Variants in ZC3H7A observed in about 807,000 individuals in gnomAD.
ZC3H7A encodes the protein zinc finger CCCH domain-containing protein 7A.
Under a neutral mutation model 125.5 loss-of-function variants are expected in ZC3H7A, and 44 were observed. The observed-to-expected ratio is 0.35, with a 90% CI of 0.28 to 0.45. ZC3H7A has a LOEUF of 0.45. Ranked by LOEUF, ZC3H7A falls within the 20% of genes least tolerant of loss-of-function variation. ZC3H7A has a pLI of 1.00. For synonymous variants in ZC3H7A, 399 were observed against 391.2 expected, an observed-to-expected ratio of 1.02 and a Z score of -0.23; for missense variants, 977 against 1,170.7, an observed-to-expected ratio of 0.83 and a Z score of 2.41.
chr16:11,786,486 C>G (rs1167361998), intron 1 of ZC3H7A, among the ~76,000 whole-genome samples: 1 of 152,128 alleles, frequency 6.6e-6, no homozygotes, highest in Non-Finnish European at 1.5e-5. Context: ...AAGTTTATAG[C>G]CTTAAAGCTA....
At chr16:11,771,739 G>T (rs1182773582) in intron 9 of ZC3H7A, among the ~76,000 whole-genome samples, 1 of 152,060 alleles carries the variant, frequency 6.6e-6, no homozygotes, top group Non-Finnish European at 1.5e-5. Context: ...GACCTGAAGT[G>T]ATCCAACCGC....
At chr16:11,768,619 A>G (rs1002995667) in intron 11 of ZC3H7A, 118 bp from the exon 12 acceptor site, 2 of 888,586 alleles carry the variant, frequency 2.3e-6, no homozygotes, top group African/African-American at 3.4e-5. Context: ...TGAGGTCAGT[A>G]CTACTCCATC....
intron 8 of ZC3H7A, 31 bp downstream of exon 8, chr16:11,774,949 C>G (rs2141197797): frequency 6.2e-7 from 1 of 1,612,476 alleles, no homozygotes; most frequent in South Asian, 1.1e-5. Flanking sequence ...TGGCACTATT[C>G]AAATTGTTAA....
rs770595119 is a variant in ZC3H7A, at chr16:11,779,169, A to G, written c.303T>C (p.Asn101=). Reference sequence around the variant, plus strand: ...CATTTTAAAAATTACAACTCACCATATTAGAATAGCAGGCAATACGATTTA... The same window carrying G: ...CATTTTAAAAATTACAACTCACCATGTTAGAATAGCAGGCAATACGATTTA... ...LYINRIACYS[N]MGFHDKVLED... The change falls in exon 4 of 23, where the codon AAT becomes AAC. Residue 101 remains asparagine, a synonymous_variant. Transcript: ENST00000355758. 1 of 1,592,566 alleles carries G rather than the reference A, an allele frequency of 6.3e-7. No homozygotes were observed. Among genetic ancestry groups the G allele is most frequent in the Non-Finnish European group, 8.6e-7 (1 of 1,164,320 alleles).
At chr16:11,793,257 G>C (rs529113588) in intron 1 of ZC3H7A, among the ~76,000 whole-genome samples, 4 of 152,184 alleles carry the variant, frequency 2.6e-5, no homozygotes, top group Non-Finnish European at 5.9e-5. Flanking sequence ...TACAGGCTGG[G>C]TGCAGTGGCT....
intron 9 of ZC3H7A, among the ~76,000 whole-genome samples, chr16:11,773,546 C>T (rs1426750917): frequency 6.6e-6 from 1 of 151,834 alleles, no homozygotes; most frequent in African/African-American, 2.4e-5. Context: ...TGGCTGAACC[C>T]CGCTTTAAAG....
chr16:11,773,886 A>G (rs922801248), intron 9 of ZC3H7A, among the ~76,000 whole-genome samples: 15 of 152,122 alleles, frequency 9.9e-5, no homozygotes, highest in African/African-American at 3.6e-4. Flanking sequence ...CCGTCTCAAA[A>G]AAAAATAAAT....
chr16:11,758,762 C>T (rs1261605416), intron 19 of ZC3H7A: 2 of 479,502 alleles, frequency 4.2e-6, no homozygotes, highest in African/African-American at 4.0e-5. Flanking sequence ...ATGTCCAAAA[C>T]AGAGTAAAGC....
intron 1 of ZC3H7A, among the ~76,000 whole-genome samples, chr16:11,788,303 T>A (rs1012137891): frequency 6.6e-6 from 1 of 151,894 alleles, no homozygotes; most frequent in South Asian, 2.1e-4. Context: ...TCTTGAGATC[T>A]CCCCGAGCCA....
intron 20 of ZC3H7A, 99 bp from the exon 21 acceptor site, chr16:11,756,469 A>C (rs547058631): frequency 9.5e-5 from 139 of 1,462,246 alleles, no homozygotes; most frequent in Middle Eastern, 2.4e-4. Flanking sequence ...ACAGTTCAAA[A>C]GAAACTCAAG....
intron 4 of ZC3H7A, among the ~76,000 whole-genome samples, 175 bp downstream of exon 4, chr16:11,778,991 C>T (rs1423187123): frequency 6.6e-6 from 1 of 152,134 alleles, no homozygotes; most frequent in African/African-American, 2.4e-5. Flanking sequence ...GGATTACAGG[C>T]GTGAGCCACC....
At position 11,769,062 on chromosome 16, in the gene ZC3H7A, G is replaced by C. The variant is rs1033009917; in HGVS notation, c.1142C>G (p.Pro381Arg). Residue 381 changes from proline (P) to arginine (R), a missense_variant, in exon 11 of 23, where the codon CCG becomes CGG. Around this residue, in one of 3 missense-constraint regions of ZC3H7A, gnomAD observed 342 missense variants for 311.3 expected, o/e 1.10. Coordinates refer to ENST00000355758, the MANE Select transcript of ZC3H7A (RefSeq NM_014153.4). ...LSTSTSREGT[P>R]LNNSNSSLLL... is the part of the protein sequence containing the mutation. ...AAGGGAAGAATTACTGTTGTTAAGC[G>C]GTGTTCCCTCTCTAGAAGTTGAGGT... 2 of 1,609,794 alleles carry C rather than the reference G, an allele frequency of 1.2e-6. No individual in the cohort carries two copies. Among genetic ancestry groups the C allele is most frequent in the African/African-American group, 2.7e-5 (2 of 74,636 alleles).
rs990895764 is a variant in ZC3H7A, at chr16:11,752,605, G to A, written c.2726+64C>T. ...AACACCCAGGTATTCCGTGTCAGCT[G>A]ACATGTCCATGAAAATTTGAGGTCA... On this transcript the variant is annotated intron_variant, in intron 22 of 22. Transcript: ENST00000355758. 1.9e-6 allele frequency: 3 copies of A among 1,563,070 alleles called. No homozygotes were observed. The Admixed American group carries it at 5.6e-5, about 29-fold the overall frequency.
chr16:11,791,088 A>AACACACACACACACACAC (rs34972921), intron 1 of ZC3H7A, among the ~76,000 whole-genome samples: 12 of 136,016 alleles, frequency 8.8e-5, no homozygotes, highest in African/African-American at 2.6e-4. Flanking sequence ...AAATTTTTAA[A>AACACACACACACACACAC]ACACACACAC....
At chr16:11,794,065 A>G (rs1256465939) in intron 1 of ZC3H7A, among the ~76,000 whole-genome samples, 2 of 152,242 alleles carry the variant, frequency 1.3e-5, no homozygotes, top group East Asian at 3.8e-4. Flanking sequence ...TCCCAGGAAC[A>G]TCTCATCTTA....
intron 18 of ZC3H7A, 152 bp downstream of exon 18, chr16:11,761,758 A>C: frequency 3.5e-6 from 4 of 1,129,418 alleles, no homozygotes; most frequent in Non-Finnish European, 4.9e-6. Flanking sequence ...ACTAGGTCCT[A>C]AAAATCTCTT....
chr16:11,777,182 C>T (rs1030462552), intron 4 of ZC3H7A, among the ~76,000 whole-genome samples: 5 of 152,152 alleles, frequency 3.3e-5, no homozygotes, highest in African/African-American at 9.7e-5. Flanking sequence ...AGAAATAAAG[C>T]TTTCCAGACC....
intron 8 of ZC3H7A, among the ~76,000 whole-genome samples, 154 bp from the exon 9 acceptor site, chr16:11,774,673 C>T (rs1375056776): frequency 6.6e-6 from 1 of 152,106 alleles, no homozygotes; most frequent in East Asian, 1.9e-4. Flanking sequence ...CAAACAGATA[C>T]AGTCACGTGT....
chr16:11,751,650 T>C, intron 22 of ZC3H7A, 144 bp from the exon 23 acceptor site: 1 of 782,314 alleles, frequency 1.3e-6, no homozygotes, highest in Non-Finnish European at 1.9e-6. Context: ...TGGTAAATAT[T>C]TTATAGCCAT....
Sources: allele counts gnomAD v4.1 joint callset (sites outside exome capture counted in the v4.1 genomes callset), GRCh38; gene constraint gnomAD v4.1.1; regional missense constraint gnomAD v4.1.1; transcripts MANE v1.5; gene names NCBI Gene and HGNC (gene_info 2026-07-23, HGNC 2026-07-21).